Variants in ZFYVE26 observed in about 807,000 individuals in gnomAD.
The protein encoded by ZFYVE26 is zinc finger FYVE-type containing 26.
In ZFYVE26, 181 loss-of-function variants were observed where a neutral mutation model predicts 276.5. The observed-to-expected ratio is 0.65, with a 90% CI of 0.58 to 0.74. The LOEUF is 0.74. Among genes scored for constraint, ZFYVE26 ranks in the 30% least tolerant of loss-of-function variants. The pLI is 0.00. For missense variants in ZFYVE26, 2,821 were observed against 3,097.9 expected (o/e 0.91, Z 2.12); for synonymous variants, 1,129 against 1,203.1 (o/e 0.94, Z 1.27).
intron 13 of ZFYVE26, among the ~76,000 whole-genome samples, chr14:67,732,288 A>G (rs1594869455): frequency 6.6e-6 from 1 of 151,696 alleles, no homozygotes. Flanking sequence ...AAATCAAAAA[A>G]TTAGCCCAGC....
chr14:67,791,698 G>A (rs948331569), intron 14 of ZFYVE26, among the ~76,000 whole-genome samples: 5 of 151,396 alleles, frequency 3.3e-5, no homozygotes, highest in Non-Finnish European at 7.4e-5. Context: ...AGGAGGAGAA[G>A]TGGAGGACAT....
intron 16 of ZFYVE26, among the ~76,000 whole-genome samples, chr14:67,788,594 C>T (rs374095135): frequency 3.9e-5 from 6 of 152,280 alleles, no homozygotes; most frequent in East Asian, 1.9e-4. Context: ...TTTTACTTTG[C>T]TGATTTTTCT....
intron 20 of ZFYVE26, 58 bp downstream of exon 20, chr14:67,784,276 C>T: frequency 6.9e-7 from 1 of 1,441,552 alleles, no homozygotes. Flanking sequence ...GAGCCCTTGG[C>T]TATATTGATG....
downstream of ZFYVE26, among the ~76,000 whole-genome samples, chr14:67,746,117 T>C (rs2038483691): frequency 6.6e-6 from 1 of 152,144 alleles, no homozygotes; most frequent in African/African-American, 2.4e-5. Context: ...GGTTAAATAA[T>C]TGTGGTATAG....
intron 31 of ZFYVE26, among the ~76,000 whole-genome samples, chr14:67,766,938 A>G (rs1796258845): frequency 6.6e-6 from 1 of 152,078 alleles, no homozygotes; most frequent in Non-Finnish European, 1.5e-5. Context: ...TCCTGGGCTC[A>G]AGCGATTCAC....
At chr14:67,780,216 G>T in intron 23 of ZFYVE26, 25 bp downstream of exon 23, 1 of 1,603,280 alleles carries the variant, frequency 6.2e-7, no homozygotes, top group Non-Finnish European at 8.5e-7. Context: ...AGGATGAAGG[G>T]GAACACCACC....
intron 13 of ZFYVE26, 79 bp from the exon 14 acceptor site, chr14:67,793,838 A>G: frequency 1.3e-6 from 2 of 1,589,532 alleles, no homozygotes; most frequent in Non-Finnish European, 1.7e-6. Context: ...ACCTCCCACC[A>G]AACTTTTATC....
intron 35 of ZFYVE26, among the ~76,000 whole-genome samples, chr14:67,758,625 T>TTTTA (rs145025077): frequency 0.039 from 5,786 of 150,112 alleles, 217 homozygotes; most frequent in African/African-American, 0.083. Context: ...ATAAATAGAA[T>TTTTA]TTTATTTATT....
In ZFYVE26 at chr14:67,798,195, G is replaced by A. The variant is rs141880939; in HGVS notation, c.2067C>T (p.Leu689=). ...CATCCAGTTGCTCTTGGAGAAGCCT[G>A]AGGAAGGCCCCTATTGCAAATTCAT... ...LADEFAIGAF[L]RLLQEQLDEI... is the part of the protein sequence containing the mutation. Residue 689 remains leucine, a synonymous_variant, in exon 11 of 42, where the codon CTC becomes CTT. Coordinates refer to ENST00000347230, the MANE Select transcript of ZFYVE26 (RefSeq NM_015346.4). The A allele has an allele frequency of 2.2e-3, 3,473 of 1,614,190 alleles. 14 individuals carry two copies. The highest frequency in any genetic ancestry group is 2.4e-3 in the Non-Finnish European group (2,789 of 1,180,026).
At chr14:67,805,339 C>T (rs1423680885) in intron 7 of ZFYVE26, 34 bp from the exon 8 acceptor site, 1 of 1,613,892 alleles carries the variant, frequency 6.2e-7, no homozygotes, top group Admixed American at 1.7e-5. Context: ...GAGATGCTGA[C>T]TCAGGCACCT....
intron 19 of ZFYVE26, 50 bp from the exon 20 acceptor site, chr14:67,784,486 T>C: frequency 6.6e-7 from 1 of 1,524,098 alleles, no homozygotes; most frequent in South Asian, 1.1e-5. Context: ...ACTGCAAGAG[T>C]TCAGAGCCCT....
chr14:67,778,317 C>A, intron 23 of ZFYVE26, 69 bp from the exon 24 acceptor site: 1 of 1,603,866 alleles, frequency 6.2e-7, no homozygotes. Context: ...AGTCTTGAGT[C>A]TACAAAGCCC....
At chr14:67,778,495 G>T (rs1321100812) in intron 23 of ZFYVE26, among the ~76,000 whole-genome samples, 2 of 152,214 alleles carry the variant, frequency 1.3e-5, no homozygotes, top group Admixed American at 1.3e-4. Context: ...AAGTGGGAAA[G>T]ACTGAAAAGA....
chr14:67,806,793 T>C (rs563905995), intron 5 of ZFYVE26, 118 bp from the exon 6 acceptor site: 112 of 1,228,750 alleles, frequency 9.1e-5, no homozygotes, highest in Non-Finnish European at 1.3e-4. Context: ...AGGCTGGGTT[T>C]TCCATACTTT....
At chr14:67,784,949 T>G in intron 19 of ZFYVE26, 110 bp downstream of exon 19, 1 of 1,131,552 alleles carries the variant, frequency 8.8e-7, no homozygotes, top group Non-Finnish European at 1.3e-6. Flanking sequence ...AAATCTAGTG[T>G]TCTTGGCTAC....
chr14:67,793,141 C>T (rs537439184), intron 14 of ZFYVE26, among the ~76,000 whole-genome samples: 10 of 150,286 alleles, frequency 6.7e-5, no homozygotes, highest in African/African-American at 2.2e-4. Context: ...CCTGTAATCC[C>T]AGCTGCTTGG....
intron 20 of ZFYVE26, among the ~76,000 whole-genome samples, 185 bp from the exon 21 acceptor site, chr14:67,783,710 A>G (rs1032111785): frequency 6.6e-6 from 1 of 152,028 alleles, no homozygotes; most frequent in Non-Finnish European, 1.5e-5. Flanking sequence ...TTTCACGAAC[A>G]CTTCTGCGAG....
intron 13 of ZFYVE26, among the ~76,000 whole-genome samples, chr14:67,738,254 AAT>A (rs1316814777): frequency 6.6e-6 from 1 of 151,460 alleles, no homozygotes; most frequent in East Asian, 1.9e-4. Context: ...AAAAAATGGA[AAT>A]AGCCTAAAAG....
chr14:67,729,285 C>T (rs2038234934), exon 14 of ZFYVE26: 1 of 1,605,160 alleles, frequency 6.2e-7, no homozygotes, highest in Non-Finnish European at 8.5e-7. Flanking sequence ...GGCGGCTCTT[C>T]TCCCCCTTTG....
Sources: allele counts gnomAD v4.1 joint callset (sites outside exome capture counted in the v4.1 genomes callset), GRCh38; gene constraint gnomAD v4.1.1; transcripts MANE v1.5; gene names NCBI Gene and HGNC (gene_info 2026-07-23, HGNC 2026-07-21).